Variants in SND1 observed in about 807,000 individuals in gnomAD.
SND1 encodes staphylococcal nuclease and tudor domain containing 1, also known as staphylococcal nuclease domain-containing protein 1.
Under a neutral mutation model 121.7 loss-of-function variants are expected in SND1, and 38 were observed. That is an observed-to-expected ratio of 0.31 (90% confidence interval 0.24 to 0.41). The LOEUF is 0.41. Among genes scored for constraint, SND1 ranks in the 10% least tolerant of loss-of-function variants. The pLI, the probability that SND1 is intolerant of heterozygous loss-of-function variation, is 1.00. For synonymous variants in SND1, 401 were observed against 447.4 expected (o/e 0.90, Z 1.31); for missense variants, 868 against 1,184.6 (o/e 0.73, Z 3.92).
intron 1 of SND1, among the ~76,000 whole-genome samples, chr7:127,681,931 A>G (rs1186988459): frequency 6.6e-6 from 1 of 152,240 alleles, no homozygotes; most frequent in Non-Finnish European, 1.5e-5. Flanking sequence ...ACTAGTGGAT[A>G]TGCCCGTTAA....
chr7:127,670,079 G>A (rs545961429), intron 1 of SND1, among the ~76,000 whole-genome samples: 13 of 151,130 alleles, frequency 8.6e-5, no homozygotes, highest in South Asian at 4.2e-4. Context: ...CAACCTCTGC[G>A]TCCTGGGTTC....
Position 127,945,651 on chromosome 7 carries a change from G to GCCT in SND1, c.1669+16323_1669+16325dup, listed in dbSNP as rs537298301. On this transcript the variant is annotated intron_variant, in intron 15 of 23. Coordinates refer to ENST00000354725, the MANE Select transcript of SND1 (RefSeq NM_014390.4). ...CTAGATCTGCCCCCAAAGTAACAGA[G>GCCT]CCTTGAACAGGTCACAGAGCCTCGC... 6.2e-3 allele frequency among the ~76,000 whole-genome samples: 948 copies of GCCT among 152,254 alleles called. 5 individuals carry two copies. Among genetic ancestry groups the GCCT allele is most frequent in the South Asian group, 0.034 (162 of 4,814 alleles).
intron 16 of SND1, among the ~76,000 whole-genome samples, chr7:128,023,461 G>A (rs1178739395): frequency 1.3e-5 from 2 of 152,224 alleles, no homozygotes; most frequent in African/African-American, 4.8e-5. Context: ...CAAGGTCCCA[G>A]CCCTCAGCTT....
At chr7:127,860,917 A>G (rs897498112) in intron 12 of SND1, among the ~76,000 whole-genome samples, 1 of 152,214 alleles carries the variant, frequency 6.6e-6, no homozygotes, top group African/African-American at 2.4e-5. Flanking sequence ...AAGAAGCCCT[A>G]GAGTTTATGG....
At chr7:127,783,551 G>A (rs1461981972) in intron 10 of SND1, among the ~76,000 whole-genome samples, 2 of 152,152 alleles carry the variant, frequency 1.3e-5, no homozygotes, top group Admixed American at 6.5e-5. Context: ...TAGAGAGGCT[G>A]CATGCTGTTA....
chr7:127,906,144 T>A (rs1256193102), intron 14 of SND1, among the ~76,000 whole-genome samples: 1 of 152,196 alleles, frequency 6.6e-6, no homozygotes, highest in Non-Finnish European at 1.5e-5. Context: ...CAATGTTACC[T>A]ACAACATGTT....
At chr7:127,719,152 T>C (rs1796444860) in intron 9 of SND1, among the ~76,000 whole-genome samples, 1 of 152,202 alleles carries the variant, frequency 6.6e-6, no homozygotes, top group African/African-American at 2.4e-5. Flanking sequence ...TATTCTGTTA[T>C]CCATTTTATA....
At chr7:127,656,595 G>A (rs559493809) in intron 1 of SND1, among the ~76,000 whole-genome samples, 1 of 152,214 alleles carries the variant, frequency 6.6e-6, no homozygotes, top group South Asian at 2.1e-4. Flanking sequence ...GATTACAGGT[G>A]TAATCTTAGG....
At chr7:127,846,029 T>C (rs1244169984) in intron 12 of SND1, among the ~76,000 whole-genome samples, 1 of 152,220 alleles carries the variant, frequency 6.6e-6, no homozygotes, top group Non-Finnish European at 1.5e-5. Context: ...TCTTTCAGCC[T>C]TCCTCTCTGC....
At chr7:127,772,041 G>T (rs559605663) in intron 10 of SND1, among the ~76,000 whole-genome samples, 1 of 152,160 alleles carries the variant, frequency 6.6e-6, no homozygotes, top group African/African-American at 2.4e-5. Flanking sequence ...TAGAAAAGAC[G>T]CTAATTTAAA....
At chr7:127,929,400 C>G in intron 15 of SND1, 71 bp downstream of exon 15, 2 of 1,525,820 alleles carry the variant, frequency 1.3e-6, no homozygotes, top group South Asian at 1.1e-5. Context: ...CCTCCTTTCC[C>G]CCTGTGTTCT....
chr7:127,857,317 C>T (rs1360194529), intron 12 of SND1, among the ~76,000 whole-genome samples: 3 of 147,930 alleles, frequency 2.0e-5, no homozygotes, highest in Admixed American at 6.8e-5. Flanking sequence ...CTCAACCTCC[C>T]GAGCAGCTGG....
At chr7:128,022,843 T>G (rs1803389440) in intron 16 of SND1, among the ~76,000 whole-genome samples, 1 of 151,968 alleles carries the variant, frequency 6.6e-6, no homozygotes, top group African/African-American at 2.4e-5. Flanking sequence ...GCCTCCAGGA[T>G]AGGGAACAGG....
chr7:128,010,554 C>A (rs909433594), intron 16 of SND1, among the ~76,000 whole-genome samples: 1 of 152,236 alleles, frequency 6.6e-6, no homozygotes, highest in Non-Finnish European at 1.5e-5. Flanking sequence ...TTACCACTCA[C>A]CCCACCCACA....
chr7:127,652,962 G>T (rs945105676), intron 1 of SND1, among the ~76,000 whole-genome samples: 1 of 151,880 alleles, frequency 6.6e-6, no homozygotes, highest in African/African-American at 2.4e-5. Flanking sequence ...CTCTTGTGTC[G>T]ACCTGAAAGC....
intron 16 of SND1, among the ~76,000 whole-genome samples, chr7:128,040,700 G>C (rs1188235456): frequency 6.6e-6 from 1 of 152,112 alleles, no homozygotes; most frequent in African/African-American, 2.4e-5. Context: ...ATTCAATTTG[G>C]CTTGAAACCT....
chr7:127,652,497 G>A (rs1249202090), intron 1 of SND1, 46 bp downstream of exon 1: 3 of 1,480,864 alleles, frequency 2.0e-6, no homozygotes, highest in African/African-American at 2.8e-5. Flanking sequence ...GCCTTCGGGC[G>A]GGAGTCAGGC....
At chr7:127,908,362 G>GCACA (rs143599096) in intron 14 of SND1, among the ~76,000 whole-genome samples, 1 of 144,720 alleles carries the variant, frequency 6.9e-6, no homozygotes, top group African/African-American at 2.5e-5. Context: ...GTGTGTGTGC[G>GCACA]TGCGTGTTGA....
chr7:127,706,543 C>A (rs1562985632), intron 8 of SND1, among the ~76,000 whole-genome samples: 1 of 152,138 alleles, frequency 6.6e-6, no homozygotes, highest in African/African-American at 2.4e-5. Context: ...CAGGTGTGAG[C>A]CACTGTGCCT....
Sources: allele counts gnomAD v4.1 joint callset (sites outside exome capture counted in the v4.1 genomes callset), GRCh38; gene constraint gnomAD v4.1.1; transcripts MANE v1.5; gene names NCBI Gene and HGNC (gene_info 2026-07-23, HGNC 2026-07-21).